The following ZNF814 variants were observed in gnomAD, a reference collection of about 807,000 sequenced individuals.
ZNF814 encodes zinc finger protein 814.
A neutral mutation model predicts 7.5 loss-of-function variants in ZNF814; 5 were observed. The observed-to-expected ratio is 0.67, with a 90% CI of 0.35 to 1.40. The LOEUF is 1.40. Ranked by LOEUF, ZNF814 falls within the 40% of genes most tolerant of loss-of-function variation. ZNF814 has a pLI of 0.04. For synonymous variants in ZNF814, 315 were observed against 340.7 expected, an observed-to-expected ratio of 0.92 and a Z score of 0.83; for missense variants, 962 against 1,018.0, an observed-to-expected ratio of 0.94 and a Z score of 0.75.
Position 57,875,243 on chromosome 19 carries a change from G to C in ZNF814, c.164-17C>G, listed in dbSNP as rs995650528. On this transcript the variant is annotated splice_polypyrimidine_tract_variant and intron_variant, in intron 2 of 2. Coordinates refer to ENST00000435989, the MANE Select transcript of ZNF814 (RefSeq NM_001144989.2). ...ACCAACAACCTGAAAGCAAGAAAAT[G>C]CTGGTGAAGTGCATGTTAACTCTGG... is the stretch of plus-strand genomic sequence containing the variant. 6.7e-6 allele frequency: 10 copies of C among 1,503,408 alleles called. No homozygotes were observed. 93.1% of individuals were successfully genotyped at this position (1,503,408 alleles called of 1,614,324 possible). A position where few individuals can be genotyped will look rare whatever the true frequency, so the allele number is the denominator to read the frequency against.
At chr19:57,878,858 G>T (rs2071630704) in intron 1 of ZNF814, among the ~76,000 whole-genome samples, 1 of 152,120 alleles carries the variant, frequency 6.6e-6, no homozygotes, top group Non-Finnish European at 1.5e-5. Context: ...CTTGATTCCA[G>T]GAGTTCAAGA....
At chr19:57,898,467 G>A in the ZNF814 span, among the ~76,000 whole-genome samples, 25 of 152,262 alleles carry the variant, frequency 1.6e-4, no homozygotes, top group African/African-American at 3.8e-4. Context: ...TTTTAGGAGC[G>A]GCTATTGCTG....
upstream of ZNF814, among the ~76,000 whole-genome samples, chr19:57,893,793 G>A (rs2071744421): frequency 6.6e-6 from 1 of 151,678 alleles, no homozygotes; most frequent in Non-Finnish European, 1.5e-5. Flanking sequence ...GGTGGTGCAT[G>A]CATGTAATCC....
the ZNF814 span, chr19:57,901,826 T>G: frequency 2.5e-6 from 1 of 398,174 alleles, no homozygotes; most frequent in Non-Finnish European, 4.4e-6. Context: ...AAAATTTTAC[T>G]TATTGGACTT....
In ZNF814 at chr19:57,887,680, C is replaced by T. The variant is rs116396432; in HGVS notation, c.36+1087G>A. The stretch of plus-strand genomic sequence containing the variant: ...AGACATTAAGGACTCCTTACCCACC[C>T]CCCTTTCCTCAAGGAGTTAACTTGT... On this transcript the variant is annotated intron_variant, in intron 1 of 2. Coordinates refer to ENST00000435989, the MANE Select transcript of ZNF814 (RefSeq NM_001144989.2). Among the ~76,000 whole-genome samples, 646 of 152,250 alleles carry T rather than the reference C, an allele frequency of 4.2e-3. 2 individuals are homozygous for T. The highest frequency in any genetic ancestry group is 0.015 in the African/African-American group (606 of 41,542).
At chr19:57,901,062 T>C in the ZNF814 span, among the ~76,000 whole-genome samples, 8 of 149,734 alleles carry the variant, frequency 5.3e-5, no homozygotes, top group Admixed American at 2.0e-4. Context: ...GGTCTTGATC[T>C]CCTGACCTCG....
At chr19:57,877,911 T>G (rs2071618846) in intron 1 of ZNF814, among the ~76,000 whole-genome samples, 1 of 151,996 alleles carries the variant, frequency 6.6e-6, no homozygotes, top group Admixed American at 6.5e-5. Context: ...ACATTTGTAA[T>G]CCCAGTGATT....
In ZNF814 at chr19:57,885,629, CAA is replaced by C. The variant is rs36025351; in HGVS notation, c.36+3136_36+3137del. 7.1e-4 allele frequency among the ~76,000 whole-genome samples: 86 copies of C among 121,422 alleles called. 4 individuals are homozygous for C. The Middle Eastern group carries it at 0.012, about 17-fold the overall frequency. 79.7% of individuals were successfully genotyped at this position (121,422 alleles called of 152,430 possible). On this transcript the variant is annotated intron_variant, in intron 1 of 2. Coordinates refer to ENST00000435989, the MANE Select transcript of ZNF814 (RefSeq NM_001144989.2). ...TGGACAACAGAGTAAGACTGTGTCTCAAAAAAAAAAAAAACAAAAAACAAAGA... is the reference window on the plus strand; with the variant it reads ...TGGACAACAGAGTAAGACTGTGTCTCAAAAAAAAAAAACAAAAAACAAAGA...
the ZNF814 span, among the ~76,000 whole-genome samples, chr19:57,904,409 T>TGA: frequency 6.6e-6 from 1 of 152,174 alleles, no homozygotes; most frequent in African/African-American, 2.4e-5. Context: ...CTCATTCCTT[T>TGA]GACTCTGCCA....
chr19:57,892,057 C>CAATGT (rs993969056), upstream of ZNF814, among the ~76,000 whole-genome samples: 17 of 152,138 alleles, frequency 1.1e-4, no homozygotes, highest in African/African-American at 3.9e-4. Context: ...CGGCCCAGAC[C>CAATGT]AATGTATTTC....
intron 1 of ZNF814, among the ~76,000 whole-genome samples, chr19:57,887,908 C>T (rs1480106015): frequency 1.3e-5 from 2 of 152,302 alleles, no homozygotes; most frequent in African/African-American, 4.8e-5. Context: ...AACCATTTGT[C>T]TTTTAAATTG....
chr19:57,875,775 A>T (rs1186614381), intron 2 of ZNF814, among the ~76,000 whole-genome samples: 1 of 152,074 alleles, frequency 6.6e-6, no homozygotes, highest in Non-Finnish European at 1.5e-5. Context: ...GTTAAAAAAG[A>T]AAGAGTAGAA....
upstream of ZNF814, among the ~76,000 whole-genome samples, chr19:57,893,400 T>C (rs1052982003): frequency 4.0e-4 from 61 of 151,736 alleles, no homozygotes; most frequent in African/African-American, 1.4e-3. Flanking sequence ...TCTCCAACTC[T>C]TGACTTCAGG....
rs745802219 is a variant in ZNF814, at chr19:57,877,051, A to C, written c.37-9T>G. The C allele has an allele frequency of 1.1e-5, 17 of 1,613,676 alleles. No individual in the cohort carries two copies. The highest frequency in any genetic ancestry group is 1.4e-5 in the Non-Finnish European group (16 of 1,179,738). ...TCAAAAGTCACTGTGCCCTGTTATG[A>C]TGTTGACAGATGAAACTACAAACTG... On this transcript the variant is annotated splice_polypyrimidine_tract_variant and intron_variant, in intron 1 of 2. Transcript: ENST00000435989.
intron 1 of ZNF814, among the ~76,000 whole-genome samples, chr19:57,877,373 T>A (rs1263327771): frequency 2.0e-5 from 3 of 152,176 alleles, no homozygotes; most frequent in African/African-American, 7.2e-5. Flanking sequence ...GTACATTCCA[T>A]GTCCATCCCC....
rs1412660835 is a variant in ZNF814 at position 57,876,980 on chromosome 19, A to G, written c.99T>C (p.Ser33=). ...NFTWEEWNLL[S]EAQRCLYRDV... ...CACGGTACAGGCATCTCTGAGCCTC[A>G]CTAAGGAGATTCCATTCCTCCCAGG... The change falls in exon 2 of 3, where the codon AGT becomes AGC. Residue 33 remains serine (S), a synonymous_variant. Transcript: ENST00000435989. The G allele has an allele frequency of 6.2e-7, 1 of 1,614,112 alleles. No homozygotes were observed. The highest frequency in any genetic ancestry group is 8.5e-7 in the Non-Finnish European group (1 of 1,179,968).
chr19:57,879,288 C>T (rs919604483), intron 1 of ZNF814, among the ~76,000 whole-genome samples: 1 of 151,240 alleles, frequency 6.6e-6, no homozygotes, highest in Non-Finnish European at 1.5e-5. Context: ...CACTTGCCAG[C>T]CCCTCAGCAA....
chr19:57,902,913 T>C, the ZNF814 span, among the ~76,000 whole-genome samples: 2 of 152,038 alleles, frequency 1.3e-5, no homozygotes, highest in East Asian at 3.9e-4. Flanking sequence ...TCTTCTGGCC[T>C]CATGATCCGC....
intron 1 of ZNF814, among the ~76,000 whole-genome samples, chr19:57,883,447 G>A (rs1403980291): frequency 2.0e-5 from 3 of 151,644 alleles, no homozygotes; most frequent in Non-Finnish European, 4.4e-5. Context: ...TGGATCATGA[G>A]GTCAAGAGAT....
Sources: allele counts gnomAD v4.1 joint callset (sites outside exome capture counted in the v4.1 genomes callset), GRCh38; gene constraint gnomAD v4.1.1; transcripts MANE v1.5; gene names NCBI Gene and HGNC (gene_info 2026-07-23, HGNC 2026-07-21).